The following CACNG2 variants were observed in gnomAD, a reference collection of about 807,000 sequenced individuals.
CACNG2 encodes the protein voltage-dependent calcium channel gamma-2 subunit.
In CACNG2, 3 loss-of-function variants were observed where a neutral mutation model predicts 25.9. That is an observed-to-expected ratio of 0.12 (90% CI 0.05 to 0.30). The LOEUF is 0.30. CACNG2 is among the 10% of genes least tolerant of loss of function. The pLI, the probability that CACNG2 is intolerant of heterozygous loss-of-function variation, is 1.00. For missense variants in CACNG2, 341 were observed against 432.5 expected, an observed-to-expected ratio of 0.79 and a Z score of 1.88; for synonymous variants, 167 against 173.3, an observed-to-expected ratio of 0.96 and a Z score of 0.29.
At chr22:36,676,491 C>T (rs1225937982) in intron 1 of CACNG2, among the ~76,000 whole-genome samples, 1 of 152,166 alleles carries the variant, frequency 6.6e-6, no homozygotes, top group Non-Finnish European at 1.5e-5. Flanking sequence ...ATAGGAGGCT[C>T]AGAGAGGCTA....
chr22:36,564,329 C>G lies in CACNG2; in HGVS notation c.*22G>C. On this transcript the variant is annotated 3_prime_UTR_variant, in exon 4 of 4. Transcript: ENST00000300105. The surrounding 1 kb of genome is among the most constrained non-coding windows in gnomAD (Gnocchi z 6.7). The stretch of plus-strand genomic sequence containing the variant: ...GGGGACCGCGCCCTCCTCCCGCGGT[C>G]TTCTGGCGAGGCCCGCGGTCTTTAT... The G allele has an allele frequency of 6.2e-7, 1 of 1,602,360 alleles. No homozygotes were observed. The highest frequency in any genetic ancestry group is 8.5e-7 in the Non-Finnish European group (1 of 1,174,752).
chr22:36,669,827 C>T (rs1046903992), intron 1 of CACNG2, among the ~76,000 whole-genome samples: 1 of 152,170 alleles, frequency 6.6e-6, no homozygotes, highest in Non-Finnish European at 1.5e-5. Flanking sequence ...ATTCTCCTGT[C>T]TCAGCCTCCG....
chr22:36,676,287 C>G (rs1000776209), intron 1 of CACNG2, among the ~76,000 whole-genome samples: 1 of 152,208 alleles, frequency 6.6e-6, no homozygotes, highest in African/African-American at 2.4e-5. Flanking sequence ...AGAAGTCCCT[C>G]TAAACCTGAA....
intron 2 of CACNG2, among the ~76,000 whole-genome samples, chr22:36,584,312 G>A (rs1188652220): frequency 2.0e-5 from 3 of 152,228 alleles, no homozygotes; most frequent in Admixed American, 2.0e-4. Context: ...AAATTAGCCA[G>A]GCATGGTGGC....
At chr22:36,574,924 T>C (rs1479963710) in intron 2 of CACNG2, among the ~76,000 whole-genome samples, 2 of 152,040 alleles carry the variant, frequency 1.3e-5, no homozygotes, top group Non-Finnish European at 1.5e-5. Flanking sequence ...GGCAGTTGGG[T>C]GTGCAGATGT....
At chr22:36,622,827 C>T (rs1451403876) in intron 1 of CACNG2, among the ~76,000 whole-genome samples, 5 of 151,546 alleles carry the variant, frequency 3.3e-5, no homozygotes, top group Middle Eastern at 3.4e-3. Flanking sequence ...GGGGTGGTGG[C>T]GCATGCCTGT....
intron 1 of CACNG2, among the ~76,000 whole-genome samples, chr22:36,611,897 G>A (rs570692415): frequency 3.5e-4 from 54 of 152,296 alleles, no homozygotes; most frequent in African/African-American, 1.2e-3. Context: ...CAGACTCCAC[G>A]AATTCAGGAG....
intron 1 of CACNG2, among the ~76,000 whole-genome samples, chr22:36,665,235 T>C (rs971030717): frequency 3.4e-4 from 52 of 152,294 alleles, no homozygotes; most frequent in African/African-American, 1.2e-3. Flanking sequence ...GACGAGTGTG[T>C]GGGCCCTGGA....
intron 1 of CACNG2, among the ~76,000 whole-genome samples, chr22:36,670,800 T>A (rs1387757310): frequency 6.6e-6 from 1 of 152,070 alleles, no homozygotes; most frequent in Non-Finnish European, 1.5e-5. Context: ...CTCTGCTAAT[T>A]TTTTAAATTA....
chr22:36,666,795 C>A (rs1230457145), intron 1 of CACNG2, among the ~76,000 whole-genome samples: 1 of 152,110 alleles, frequency 6.6e-6, no homozygotes, highest in Non-Finnish European at 1.5e-5. Context: ...CCTAGCCTGG[C>A]ATTCAAGGTC....
intron 2 of CACNG2, among the ~76,000 whole-genome samples, chr22:36,582,336 T>C (rs1417381291): frequency 6.6e-6 from 1 of 151,906 alleles, no homozygotes; most frequent in African/African-American, 2.4e-5. Flanking sequence ...CGGGGCTCAG[T>C]CCTATTCCTC....
At chr22:36,646,336 G>T (rs1262204539) in intron 1 of CACNG2, among the ~76,000 whole-genome samples, 1 of 152,148 alleles carries the variant, frequency 6.6e-6, no homozygotes, top group African/African-American at 2.4e-5. Context: ...AAGTTCACTG[G>T]AATTAAAATT....
intron 1 of CACNG2, among the ~76,000 whole-genome samples, chr22:36,666,021 A>C (rs1331992099): frequency 6.6e-6 from 1 of 152,214 alleles, no homozygotes; most frequent in Non-Finnish European, 1.5e-5. Context: ...CATATGGTGG[A>C]ATATTATTCA....
At chr22:36,653,685 T>G (rs1936656557) in intron 1 of CACNG2, among the ~76,000 whole-genome samples, 1 of 152,124 alleles carries the variant, frequency 6.6e-6, no homozygotes, top group African/African-American at 2.4e-5. Flanking sequence ...CACAGGTGTC[T>G]GCAGACATGG....
intron 1 of CACNG2, among the ~76,000 whole-genome samples, chr22:36,655,682 TCTTCCTTC>T (rs1253995553): frequency 6.6e-6 from 1 of 151,812 alleles, no homozygotes; most frequent in African/African-American, 2.4e-5. Flanking sequence ...TCTCTTCCTT[TCTTCCTTC>T]CTTCCTTTCT....
chr22:36,567,776 C>T (rs1294057062), intron 2 of CACNG2, among the ~76,000 whole-genome samples: 2 of 152,058 alleles, frequency 1.3e-5, no homozygotes, highest in African/African-American at 2.4e-5. Context: ...GACCCAGCTC[C>T]GTGTCCTGGG....
rs1356262500 is a variant in CACNG2, at chr22:36,601,910, T to A, written c.212-14362A>T. Among the ~76,000 whole-genome samples the A allele has an allele frequency of 3.3e-5, 5 of 152,316 alleles. 1 individual carries two copies. Among genetic ancestry groups the A allele is most frequent in the Middle Eastern group, 6.8e-3 (2 of 294 alleles). ...GGAAACTCCATACTATTTTCCATAA[T>A]GGTGGCATCAACCTACATTCCCACC... On this transcript the variant is annotated intron_variant, in intron 1 of 3. Transcript: ENST00000300105.
intron 1 of CACNG2, among the ~76,000 whole-genome samples, chr22:36,663,177 G>C: frequency 6.6e-6 from 1 of 152,220 alleles, no homozygotes; most frequent in East Asian, 1.9e-4. Context: ...TCTACGGGTG[G>C]GTGCCTGGTC....
intron 1 of CACNG2, among the ~76,000 whole-genome samples, chr22:36,662,207 C>T (rs12160281): frequency 0.1 from 15,679 of 151,812 alleles, 2,684 homozygotes; most frequent in African/African-American, 0.36. Flanking sequence ...GTCTCGAACT[C>T]CTGACCTCAG....
Sources: allele counts gnomAD v4.1 joint callset (sites outside exome capture counted in the v4.1 genomes callset), GRCh38; gene constraint gnomAD v4.1.1; non-coding constraint Gnocchi (gnomAD v3.1); transcripts MANE v1.5; gene names NCBI Gene and HGNC (gene_info 2026-07-23, HGNC 2026-07-21).